Variants in KIF26B observed in about 807,000 individuals in gnomAD.
KIF26B encodes kinesin-like protein KIF26B.
In KIF26B, 63 loss-of-function variants were observed where a neutral mutation model predicts 151.2. The ratio of observed to expected loss-of-function variants is 0.42; its 90% CI spans 0.34 to 0.51. The LOEUF is 0.51. KIF26B is among the 20% of genes least tolerant of loss of function. The pLI, the probability that KIF26B is intolerant of heterozygous loss-of-function variation, is 0.07. For synonymous variants in KIF26B, 1,357 were observed against 1,262.1 expected, an observed-to-expected ratio of 1.08 and a Z score of -1.59; for missense variants, 2,813 against 2,913.6, an observed-to-expected ratio of 0.97 and a Z score of 0.79.
At chr1:245,502,764 G>C (rs1172045470) in intron 4 of KIF26B, among the ~76,000 whole-genome samples, 1 of 152,066 alleles carries the variant, frequency 6.6e-6, no homozygotes, top group Non-Finnish European at 1.5e-5. Context: ...AATGGTAGGA[G>C]GGTTAAAGAA....
chr1:245,663,749 G>A (rs114087035), intron 10 of KIF26B, among the ~76,000 whole-genome samples: 2,899 of 152,176 alleles, frequency 0.019, 77 homozygotes, highest in Admixed American at 0.077. Context: ...ATGTAATTCA[G>A]ACCAGGGTTC....
intron 4 of KIF26B, among the ~76,000 whole-genome samples, chr1:245,528,363 T>A (rs1433004477): frequency 1.3e-5 from 2 of 152,116 alleles, no homozygotes; most frequent in Non-Finnish European, 2.9e-5. Flanking sequence ...CAGGCAAAAC[T>A]CTGTTCACAG....
intron 2 of KIF26B, among the ~76,000 whole-genome samples, chr1:245,253,064 C>T (rs1670472245): frequency 7.0e-6 from 1 of 142,052 alleles, no homozygotes; most frequent in South Asian, 2.2e-4. Context: ...GGCTGGAGTG[C>T]AGTGACATGA....
rs1331362255 is a variant in KIF26B at position 245,390,947 on chromosome 1, AAAAAAC to A, written c.999+23581_999+23586del. Among the ~76,000 whole-genome samples the A allele has an allele frequency of 1.7e-4, 25 of 145,886 alleles. 3 individuals carry two copies. The highest frequency in any genetic ancestry group is 1.6e-3 in the East Asian group (8 of 5,122). ...AAAAAAAAAAAAAAAAAAAAAAAAA[AAAAAAC>A]CACCATAAAATTTTGAGCTTTCAAT... On this transcript the variant is annotated intron_variant, in intron 3 of 14. Transcript: ENST00000407071.
chr1:245,507,786 G>A (rs1429352939), intron 4 of KIF26B, among the ~76,000 whole-genome samples: 1 of 152,134 alleles, frequency 6.6e-6, no homozygotes, highest in Non-Finnish European at 1.5e-5. Flanking sequence ...ACAGCACTAC[G>A]TAAGCTGCTT....
In KIF26B at chr1:245,184,143, G is replaced by A. The variant is rs143939935; in HGVS notation, c.465+27460G>A. ...CAGTTATAGCTCTGGGAAAGTGGGG[G>A]GAAGTGAGATGCTAGACTTATTTTT... On this transcript the variant is annotated intron_variant, in intron 2 of 14. Coordinates refer to ENST00000407071, the MANE Select transcript of KIF26B (RefSeq NM_018012.4). Among the ~76,000 whole-genome samples the A allele has an allele frequency of 6.4e-4, 94 of 145,772 alleles. No individual in the cohort carries two copies. The East Asian group carries it at 0.017, about 26-fold the overall frequency.
chr1:245,673,473 G>A (rs996534974), intron 10 of KIF26B, among the ~76,000 whole-genome samples: 2 of 152,256 alleles, frequency 1.3e-5, no homozygotes, highest in Admixed American at 1.3e-4. Flanking sequence ...TGCTTAGGGG[G>A]CAGATAGAAA....
chr1:245,592,339 TGCTCATGGAGGGAAGAGCAGTCCAGG>T (rs1157270540), intron 5 of KIF26B, among the ~76,000 whole-genome samples: 4 of 152,212 alleles, frequency 2.6e-5, no homozygotes, highest in Non-Finnish European at 5.9e-5. Context: ...TGACCCAAGA[TGCTCATGGAGGGAAGAGCAGTCCAGG>T]GCCAGGGCCC....
intron 2 of KIF26B, among the ~76,000 whole-genome samples, chr1:245,292,871 C>T (rs371612810): frequency 1.1e-3 from 171 of 152,274 alleles, no homozygotes; most frequent in Non-Finnish European, 1.8e-3. Flanking sequence ...CATCTGCAGC[C>T]ACCCTCTGGC....
intron 2 of KIF26B, among the ~76,000 whole-genome samples, chr1:245,175,750 G>T (rs988384240): frequency 4.6e-5 from 7 of 152,028 alleles, no homozygotes; most frequent in African/African-American, 9.6e-5. Context: ...TTACTCAAAA[G>T]CCTCTTCGTT....
At chr1:245,574,719 TG>T (rs2043100088) in intron 5 of KIF26B, among the ~76,000 whole-genome samples, 1 of 152,170 alleles carries the variant, frequency 6.6e-6, no homozygotes, top group South Asian at 2.1e-4. Context: ...ACTAACATCG[TG>T]GGTGTGACGG....
intron 5 of KIF26B, among the ~76,000 whole-genome samples, chr1:245,546,445 G>C (rs1442536792): frequency 6.6e-6 from 1 of 152,162 alleles, no homozygotes; most frequent in Non-Finnish European, 1.5e-5. Flanking sequence ...TGATGCCGGG[G>C]AAAATCTCAT....
At chr1:245,542,972 G>GT (rs1183246776) in intron 5 of KIF26B, among the ~76,000 whole-genome samples, 6 of 152,130 alleles carry the variant, frequency 3.9e-5, no homozygotes, top group African/African-American at 1.4e-4. Flanking sequence ...CCTTGAAAAG[G>GT]TGCCAGATGA....
At chr1:245,231,182 AG>A (rs1315507051) in intron 2 of KIF26B, among the ~76,000 whole-genome samples, 3 of 152,164 alleles carry the variant, frequency 2.0e-5, no homozygotes, top group Non-Finnish European at 1.5e-5. Flanking sequence ...ACAAAATTGA[AG>A]TTGAAGAACA....
chr1:245,558,657 CAGA>C (rs780970677), intron 5 of KIF26B, among the ~76,000 whole-genome samples: 6 of 152,214 alleles, frequency 3.9e-5, no homozygotes, highest in Non-Finnish European at 8.8e-5. Flanking sequence ...GATCAGAGCT[CAGA>C]AGGTTGCGGG....
At chr1:245,258,788 G>A (rs910395262) in intron 2 of KIF26B, among the ~76,000 whole-genome samples, 16 of 152,202 alleles carry the variant, frequency 1.1e-4, no homozygotes, top group Admixed American at 6.5e-4. Context: ...CCCACGGGCG[G>A]GGGTGAGAGC....
intron 9 of KIF26B, among the ~76,000 whole-genome samples, chr1:245,644,234 T>C (rs1395284706): frequency 6.6e-6 from 1 of 152,178 alleles, no homozygotes; most frequent in Admixed American, 6.5e-5. Flanking sequence ...GATCTTCAAA[T>C]TTGCTGATTT....
intron 4 of KIF26B, among the ~76,000 whole-genome samples, chr1:245,452,772 C>T (rs1659427827): frequency 6.6e-6 from 1 of 152,114 alleles, no homozygotes; most frequent in Non-Finnish European, 1.5e-5. Context: ...CTATTCAAAT[C>T]CTTCGTCCAT....
intron 10 of KIF26B, among the ~76,000 whole-genome samples, chr1:245,660,986 T>C (rs1172428142): frequency 8.7e-6 from 1 of 115,222 alleles, no homozygotes; most frequent in Admixed American, 9.2e-5. Flanking sequence ...GCTTTTCTTT[T>C]TTCTTTTTTT....
Sources: gnomAD v4.1 joint callset for allele counts (sites outside exome capture counted in the v4.1 genomes callset) on GRCh38, gnomAD v4.1.1 for gene constraint, MANE v1.5 for transcripts, NCBI Gene and HGNC (gene_info 2026-07-23, HGNC 2026-07-21) for gene names.